RIMKLB: variants seen among roughly 807,000 people sequenced by gnomAD.
RIMKLB encodes the protein beta-citrylglutamate synthase B.
RIMKLB carries 7 observed loss-of-function variants against 32.0 expected under a neutral mutation model. That is an observed-to-expected ratio of 0.22 (90% CI 0.12 to 0.41). The LOEUF is 0.41. RIMKLB is among the 10% of genes least tolerant of loss of function. The probability of loss-of-function intolerance (pLI) is 1.00; values close to 1 mark genes in which losing one functional copy is unlikely to be tolerated. For synonymous variants in RIMKLB, 172 were observed against 185.1 expected, an observed-to-expected ratio of 0.93 and a Z score of 0.57; for missense variants, 289 against 498.7, an observed-to-expected ratio of 0.58 and a Z score of 4.00.
At chr12:8,724,208 A>G (rs191424616) in intron 2 of RIMKLB, among the ~76,000 whole-genome samples, 164 of 152,244 alleles carry the variant, frequency 1.1e-3, no homozygotes, top group Non-Finnish European at 2.0e-3. Context: ...TCCCTAGGGA[A>G]GATTTTCAAT....
At chr12:8,756,850 C>T (rs1276869500) in intron 5 of RIMKLB, among the ~76,000 whole-genome samples, 1 of 151,964 alleles carries the variant, frequency 6.6e-6, no homozygotes, top group Non-Finnish European at 1.5e-5. Flanking sequence ...CACCCCAATG[C>T]TGGGCTAATT....
intron 2 of RIMKLB, among the ~76,000 whole-genome samples, chr12:8,747,349 G>A (rs759198118): frequency 1.3e-5 from 2 of 151,964 alleles, no homozygotes; most frequent in East Asian, 3.8e-4. Context: ...TTTTTGCCCC[G>A]TGATTTATGC....
At chr12:8,726,868 C>G (rs186954593) in intron 2 of RIMKLB, among the ~76,000 whole-genome samples, 1 of 151,630 alleles carries the variant, frequency 6.6e-6, no homozygotes, top group African/African-American at 2.4e-5. Flanking sequence ...TCTTTGTTAC[C>G]CCTGTTTTTC....
chr12:8,679,694 A>G (rs1420493337), upstream of RIMKLB: 1 of 152,228 alleles, frequency 6.6e-6, no homozygotes, highest in South Asian at 2.1e-4. Context: ...TCTACTATGT[A>G]TTCTCTTTTA....
At chr12:8,761,981 T>C (rs963180043) in intron 5 of RIMKLB, among the ~76,000 whole-genome samples, 1 of 152,150 alleles carries the variant, frequency 6.6e-6, no homozygotes, top group Non-Finnish European at 1.5e-5. Flanking sequence ...ATTTGTAGTT[T>C]TATAGCTTTG....
chr12:8,763,915 G>A (rs755451208), intron 5 of RIMKLB, among the ~76,000 whole-genome samples: 1 of 152,304 alleles, frequency 6.6e-6, no homozygotes, highest in East Asian at 1.9e-4. Flanking sequence ...TTGACAGGAT[G>A]TACAGGGATG....
At position 8,775,499 on chromosome 12, in the gene RIMKLB, TTACC is replaced by T. The variant is rs1950677487; in HGVS notation, c.*1716_*1719del. On this transcript the variant is annotated 3_prime_UTR_variant, in exon 6 of 6. Coordinates refer to ENST00000535829, the MANE Select transcript of RIMKLB (RefSeq NM_001297776.2). Reference sequence around the variant, plus strand: ...TCTCCCTACGAATCCTCTGAAGCTTTTACCCAAGCCCTTTCTTGCCTCTCCAGTG... The same window carrying T: ...TCTCCCTACGAATCCTCTGAAGCTTTCAAGCCCTTTCTTGCCTCTCCAGTG... 1.0e-6 allele frequency: 1 copy of T among 985,678 alleles called. No homozygotes were observed. The highest frequency in any genetic ancestry group is 1.2e-6 in the Non-Finnish European group (1 of 829,906). 61.1% of individuals were successfully genotyped at this position (985,678 alleles called of 1,614,324 possible).
At chr12:8,756,582 G>T (rs1008725433) in intron 5 of RIMKLB, among the ~76,000 whole-genome samples, 3 of 151,032 alleles carry the variant, frequency 2.0e-5, no homozygotes, top group Admixed American at 2.0e-4. Flanking sequence ...GCAATATATT[G>T]ATAAGTATGA....
In RIMKLB at chr12:8,774,969, GGAAACAGAGTTTTTGACTTTAA is replaced by G. The variant is rs1416810430; in HGVS notation, c.*1186_*1207del. 10 of 985,506 alleles carry G rather than the reference GGAAACAGAGTTTTTGACTTTAA, an allele frequency of 1.0e-5. No individual in the cohort carries two copies. The African/African-American group carries it at 1.8e-4, about 17-fold the overall frequency. 61.0% of individuals were successfully genotyped at this position (985,506 alleles called of 1,614,324 possible). A position where few individuals can be genotyped will look rare whatever the true frequency, so the allele number is the denominator to read the frequency against. On this transcript the variant is annotated 3_prime_UTR_variant, in exon 6 of 6. Transcript: ENST00000535829. ...ATAATTTAGAAAATGGAGCATGATG[GGAAACAGAGTTTTTGACTTTAA>G]AAAACAGATGAGTTGTTTTCATAAG...
At chr12:8,749,747 A>G in intron 2 of RIMKLB, 115 bp from the exon 3 acceptor site, 1 of 683,146 alleles carries the variant, frequency 1.5e-6, no homozygotes, top group Non-Finnish European at 2.4e-6. Context: ...TCCCAATTTA[A>G]TATTAACAAA....
intron 1 of RIMKLB, among the ~76,000 whole-genome samples, chr12:8,698,710 C>A (rs987253607): frequency 4.8e-5 from 7 of 145,834 alleles, no homozygotes; most frequent in African/African-American, 1.8e-4. Context: ...CTCCCCCTCC[C>A]CCCCCTTCCC....
At chr12:8,711,617 C>CACTA (rs1281785651) in intron 1 of RIMKLB, among the ~76,000 whole-genome samples, 8 of 152,018 alleles carry the variant, frequency 5.3e-5, no homozygotes, top group Admixed American at 5.2e-4. Context: ...GCGCTGCACC[C>CACTA]ACTAACTCAT....
intron 2 of RIMKLB, among the ~76,000 whole-genome samples, chr12:8,741,923 C>CTTTTTTTT (rs145008488): frequency 1.6e-4 from 24 of 146,852 alleles, no homozygotes; most frequent in African/African-American, 6.2e-4. Flanking sequence ...AAAAGGAGAG[C>CTTTTTTTT]TTTTTTTTTT....
intron 2 of RIMKLB, among the ~76,000 whole-genome samples, chr12:8,744,486 T>C (rs1947890069): frequency 6.6e-6 from 1 of 151,884 alleles, no homozygotes; most frequent in African/African-American, 2.4e-5. Context: ...AAGGTAATAA[T>C]GGTTGAATTT....
intron 5 of RIMKLB, among the ~76,000 whole-genome samples, chr12:8,761,843 C>T (rs751652651): frequency 4.6e-5 from 7 of 152,118 alleles, no homozygotes; most frequent in Non-Finnish European, 8.8e-5. Context: ...AGGGGTCGTG[C>T]AGTCGAGATT....
chr12:8,738,811 C>A (rs144558708), intron 2 of RIMKLB, among the ~76,000 whole-genome samples: 1 of 152,152 alleles, frequency 6.6e-6, no homozygotes. Context: ...GAAGATGTTA[C>A]AAAAAGTGAC....
chr12:8,777,228 T>TTTC, downstream of RIMKLB: 1 of 971,878 alleles, frequency 1.0e-6, no homozygotes, highest in Non-Finnish European at 1.2e-6. Flanking sequence ...TTTTTTTTTT[T>TTTC]TTTTTTTTTT....
chr12:8,745,528 G>A (rs1219581333), intron 2 of RIMKLB, among the ~76,000 whole-genome samples: 2 of 151,404 alleles, frequency 1.3e-5, no homozygotes, highest in African/African-American at 4.9e-5. Context: ...CCAAGTAGCT[G>A]GGATTTTATG....
rs151217526 is a variant in RIMKLB at position 8,763,228 on chromosome 12, G to A, written c.697+9135G>A. Among the ~76,000 whole-genome samples the A allele has an allele frequency of 3.5e-3, 540 of 152,320 alleles. 1 individual carries two copies. The highest frequency in any genetic ancestry group is 5.6e-3 in the Non-Finnish European group (381 of 68,030). The stretch of plus-strand genomic sequence containing the variant: ...GTTTCCTTACTCAGGTATGCCACAG[G>A]TTGCAAGCTGGTCCCTCGGACCTGT... On this transcript the variant is annotated intron_variant, in intron 5 of 5. Transcript: ENST00000535829.
Sources: gnomAD v4.1 joint callset for allele counts (sites outside exome capture counted in the v4.1 genomes callset) on GRCh38, gnomAD v4.1.1 for gene constraint, MANE v1.5 for transcripts, NCBI Gene and HGNC (gene_info 2026-07-23, HGNC 2026-07-21) for gene names.